C3orf49: variants seen among roughly 807,000 people sequenced by gnomAD.
The protein encoded by C3orf49 is putative uncharacterized protein C3orf49.
C3orf49 carries 27 observed loss-of-function variants against 13.3 expected under a neutral mutation model. The ratio of observed to expected loss-of-function variants is 2.02; its 90% CI spans 1.49 to 2.79. The LOEUF is 2.79. Ranked by LOEUF, C3orf49 falls within the 30% of genes most tolerant of loss-of-function variation. The pLI is 0.00. For synonymous variants in C3orf49, 87 were observed against 47.6 expected (o/e 1.83, Z -3.40); for missense variants, 242 against 134.2 (o/e 1.80, Z -3.97).
chr3:63,812,612 T>TA, the C3orf49 span, among the ~76,000 whole-genome samples: 9 of 152,226 alleles, frequency 5.9e-5, no homozygotes, highest in Non-Finnish European at 1.3e-4. Flanking sequence ...TTGTGAATAA[T>TA]ACAGTTTGGC....
At chr3:63,801,754 A>G in the C3orf49 span, among the ~76,000 whole-genome samples, 5 of 152,138 alleles carry the variant, frequency 3.3e-5, no homozygotes, top group East Asian at 3.9e-4. Context: ...TGAGAGTACA[A>G]GGGGCACAGG....
the C3orf49 span, among the ~76,000 whole-genome samples, chr3:63,807,793 G>A: frequency 6.9e-6 from 1 of 144,788 alleles, no homozygotes; most frequent in Non-Finnish European, 1.5e-5. Flanking sequence ...GGAGGCAGAG[G>A]TTGCAGTGAG....
rs553062810 is a variant in C3orf49 at position 63,847,934 on chromosome 3, TG to T, written c.*31-425del. ...AAACTAGTTTAGGCCATGATGGGAA[TG>T]GGGGTGGGGTCAGAATGCCTCATTA... On this transcript the variant is annotated intron_variant, in intron 6 of 6. Transcript: ENST00000295896. 3.3e-5 allele frequency among the ~76,000 whole-genome samples: 5 copies of T among 152,154 alleles called. No homozygotes were observed. In the East Asian group the frequency reaches 9.7e-4, roughly 30 times the overall value.
chr3:63,823,421 A>G lies in C3orf49; in HGVS notation c.297A>G (p.Arg99=). 1.4e-6 allele frequency: 1 copy of G among 703,178 alleles called. No individual in the cohort carries two copies. Among genetic ancestry groups the G allele is most frequent in the Admixed American group, 2.0e-5 (1 of 50,014 alleles). 43.6% of individuals were successfully genotyped at this position (703,178 alleles called of 1,614,324 possible). ...AFGRMLSYKY[R]SKPACASQEG... is the part of the protein sequence containing the mutation. The stretch of plus-strand genomic sequence containing the variant: ...GGAGGATGCTGTCCTACAAGTATAG[A>G]AGCAAGCCAGCATGTGCCAGCCAAG... The change falls in exon 2 of 7, where the codon AGA becomes AGG. Residue 99 remains arginine, a synonymous_variant. Coordinates refer to ENST00000295896, the MANE Select transcript of C3orf49 (RefSeq NM_001355236.2).
At position 63,835,426 on chromosome 3, in the gene C3orf49, T is replaced by A. The variant is rs527319042; in HGVS notation, c.849+3582T>A. ...TAAAACAGTGTTACATTTTGCTGAA[T>A]GGGGGAGAAGAGTTTACAATTAATG... On this transcript the variant is annotated intron_variant, in intron 5 of 6. Coordinates refer to ENST00000295896, the MANE Select transcript of C3orf49 (RefSeq NM_001355236.2). 9 of 1,598,394 alleles carry A rather than the reference T, an allele frequency of 5.6e-6. No individual in the cohort carries two copies. In the South Asian group the frequency reaches 1.0e-4, roughly 18 times the overall value.
At position 63,819,482 on chromosome 3, in the gene C3orf49, C is replaced by A; in HGVS notation, c.11C>A (p.Pro4His). MAQ[P>H]QLYLPEPFKI... ...GTGAAGTTGAGAGCAATGGCCCAACCTCAGCTGTATCTACCAGAACCCTTT... is the reference window on the plus strand; with the variant it reads ...GTGAAGTTGAGAGCAATGGCCCAACATCAGCTGTATCTACCAGAACCCTTT... Residue 4 changes from proline (P) to histidine (H), a missense_variant, in exon 1 of 7, where the codon CCT becomes CAT. Transcript: ENST00000295896. 2.8e-6 allele frequency: 2 copies of A among 702,910 alleles called. No homozygotes were observed. The highest frequency in any genetic ancestry group is 5.4e-5 in the East Asian group (2 of 37,280). 43.5% of individuals were successfully genotyped at this position (702,910 alleles called of 1,614,324 possible). A position where few individuals can be genotyped will look rare whatever the true frequency, so the allele number is the denominator to read the frequency against.
intron 5 of C3orf49, chr3:63,837,949 G>A: frequency 6.3e-7 from 1 of 1,586,646 alleles, no homozygotes; most frequent in East Asian, 2.3e-5. Context: ...TAATGTATTT[G>A]CACATTAAAT....
the C3orf49 span, among the ~76,000 whole-genome samples, chr3:63,801,484 C>G: frequency 1.3e-5 from 2 of 152,068 alleles, no homozygotes; most frequent in African/African-American, 2.4e-5. Flanking sequence ...TAAATAATCA[C>G]ACAAATAAGA....
chr3:63,828,088 T>C (rs1256296655), intron 3 of C3orf49, among the ~76,000 whole-genome samples: 2 of 152,266 alleles, frequency 1.3e-5, no homozygotes, highest in East Asian at 1.9e-4. Flanking sequence ...GATGTAAGTA[T>C]GCATTGTCCA....
At chr3:63,802,947 T>C in the C3orf49 span, among the ~76,000 whole-genome samples, 3 of 152,044 alleles carry the variant, frequency 2.0e-5, no homozygotes, top group Non-Finnish European at 4.4e-5. Flanking sequence ...TGAACACTCT[T>C]TGCCATCATT....
At chr3:63,844,423 TC>T (rs1427788226) in intron 5 of C3orf49, among the ~76,000 whole-genome samples, 5 of 152,192 alleles carry the variant, frequency 3.3e-5, no homozygotes, top group Non-Finnish European at 7.3e-5. Flanking sequence ...AGTTAACCAT[TC>T]CACAATGTAT....
chr3:63,813,255 T>C, the C3orf49 span, among the ~76,000 whole-genome samples: 3 of 152,234 alleles, frequency 2.0e-5, no homozygotes, highest in Non-Finnish European at 4.4e-5. Flanking sequence ...TTGTGTAGGA[T>C]AGCTGTCCAG....
the C3orf49 span, among the ~76,000 whole-genome samples, chr3:63,804,749 A>G: frequency 6.6e-6 from 1 of 152,174 alleles, no homozygotes; most frequent in East Asian, 1.9e-4. Flanking sequence ...ATTTGCACTA[A>G]CCTAATACTT....
chr3:63,838,352 G>C, intron 5 of C3orf49: 2 of 1,410,206 alleles, frequency 1.4e-6, no homozygotes, highest in Non-Finnish European at 2.0e-6. Flanking sequence ...ATTACAGATA[G>C]AAACATTAAG....
intron 6 of C3orf49, among the ~76,000 whole-genome samples, chr3:63,847,325 T>C (rs1426986749): frequency 6.6e-6 from 1 of 152,242 alleles, no homozygotes; most frequent in African/African-American, 2.4e-5. Context: ...GTTTTAACCA[T>C]GGCCATTTTA....
At chr3:63,836,694 T>C (rs1204855340) in intron 5 of C3orf49, among the ~76,000 whole-genome samples, 1 of 151,940 alleles carries the variant, frequency 6.6e-6, no homozygotes, top group African/African-American at 2.4e-5. Flanking sequence ...TCACTAGTTG[T>C]CCAAAAAGTA....
At chr3:63,814,555 G>A (rs1250527362), upstream of C3orf49, among the ~76,000 whole-genome samples, 2 of 152,152 alleles carry the variant, frequency 1.3e-5, no homozygotes, top group African/African-American at 4.8e-5. Context: ...AAGAACAAGG[G>A]AGATTGTGTT....
At chr3:63,846,380 CAGGGTCTTACTAGTAACTTATTAT>C (rs1207871424) in intron 6 of C3orf49, among the ~76,000 whole-genome samples, 9 of 152,210 alleles carry the variant, frequency 5.9e-5, no homozygotes, top group African/African-American at 2.2e-4. Context: ...CTGAAGAATT[CAGGGTCTTACTAGTAACTTATTAT>C]TTAAAAATTT....
chr3:63,800,516 G>GTGTC, the C3orf49 span, among the ~76,000 whole-genome samples: 2 of 151,988 alleles, frequency 1.3e-5, no homozygotes, highest in African/African-American at 4.8e-5. Flanking sequence ...TGTCTCTTAT[G>GTGTC]TGTCAAGTAT....
Sources: gnomAD v4.1 joint callset for allele counts (sites outside exome capture counted in the v4.1 genomes callset) on GRCh38, gnomAD v4.1.1 for gene constraint, MANE v1.5 for transcripts, NCBI Gene and HGNC (gene_info 2026-07-23, HGNC 2026-07-21) for gene names.